TDP2: variants seen among roughly 807,000 people sequenced by gnomAD.
The protein encoded by TDP2 is 5'-Tyr-DNA phosphodiesterase.
Under a neutral mutation model 42.8 loss-of-function variants are expected in TDP2, and 38 were observed. The observed-to-expected ratio is 0.89, with a 90% CI of 0.68 to 1.16. The LOEUF (loss-of-function observed/expected upper bound fraction) is 1.16. TDP2 is among the 50% of genes most tolerant of loss of function. The pLI is 0.00. For synonymous variants in TDP2, 173 were observed against 150.6 expected (o/e 1.15, Z -1.09); for missense variants, 439 against 439.3 (o/e 1.00, Z 0.01).
At position 24,653,123 on chromosome 6, in the gene TDP2, T is replaced by C; in HGVS notation, c.667A>G (p.Met223Val). 1 of 1,614,180 alleles carries C rather than the reference T, an allele frequency of 6.2e-7. No homozygotes were observed. Among genetic ancestry groups the C allele is most frequent in the Non-Finnish European group, 8.5e-7 (1 of 1,180,026 alleles). The change falls in exon 6 of 7, where the codon ATG becomes GTG. Residue 223 changes from methionine to valine, a missense_variant. By Grantham distance (21) the Met-to-Val change is conservative. Transcript: ENST00000378198. ...CTGGTGCTCTCCAAATGGGATGTCA[T>C]AAGGCAAAGCTCATTTCCTGACACG... ...VNVSGNELCL[M>V]TSHLESTRGH...
At chr6:24,666,237 CT>C in intron 2 of TDP2, 1 of 1,545,214 alleles carries the variant, frequency 6.5e-7, no homozygotes, top group Non-Finnish European at 8.7e-7. Context: ...TGTTTCAAAC[CT>C]CTCGCTTACT....
chr6:24,658,658 T>C lies in TDP2; in HGVS notation c.328A>G (p.Asn110Asp). 1 of 1,613,988 alleles carries C rather than the reference T, an allele frequency of 6.2e-7. No individual in the cohort carries two copies. Among genetic ancestry groups the C allele is most frequent in the Non-Finnish European group, 8.5e-7 (1 of 1,179,858 alleles). ...ISPSEDTQQE[N>D]GSMFSLITWN... ...GTAATGAGAGAGAACATGCTGCCAT[T>C]TTCTTGCTGAGTATCTTCAGATGGG... The change falls in exon 3 of 7, where the codon AAT (asparagine) becomes GAT (aspartate). Residue 110 changes from asparagine to aspartate, a missense_variant. Physicochemically the swap from Asn to Asp is conservative, Grantham distance 23 (BLOSUM62 1). Coordinates refer to ENST00000378198, the MANE Select transcript of TDP2 (RefSeq NM_016614.3).
chr6:24,666,584 G>T lies in TDP2; in HGVS notation c.193C>A (p.Pro65Thr). ...ERALNSYFEP[P>T]VEESALERRP... is the part of the protein sequence containing the mutation. The stretch of plus-strand genomic sequence containing the variant: ...CGTTCCAAGGCGCTCTCCTCCACCG[G>T]AGGCTCGAAGTAGGAGTTCAGAGCC... Residue 65 changes from proline (P) to threonine (T), a missense_variant, in exon 2 of 7, where the codon CCG becomes ACG. Coordinates refer to ENST00000378198, the MANE Select transcript of TDP2 (RefSeq NM_016614.3). 1 of 1,614,196 alleles carries T rather than the reference G, an allele frequency of 6.2e-7. No homozygotes were observed.
chr6:24,655,502 G>A (rs916367406), intron 4 of TDP2, among the ~76,000 whole-genome samples: 3 of 152,210 alleles, frequency 2.0e-5, no homozygotes, highest in Non-Finnish European at 4.4e-5. Context: ...GCCAGTTCAA[G>A]GTCTGGATAT....
At chr6:24,662,927 T>G (rs542925578) in intron 2 of TDP2, among the ~76,000 whole-genome samples, 3 of 152,246 alleles carry the variant, frequency 2.0e-5, no homozygotes, top group Admixed American at 6.5e-5. Flanking sequence ...GTTTCATAGC[T>G]GAATTTAAAA....
At chr6:24,659,625 G>A (rs912399864) in intron 2 of TDP2, among the ~76,000 whole-genome samples, 5 of 152,274 alleles carry the variant, frequency 3.3e-5, no homozygotes, top group African/African-American at 7.2e-5. Flanking sequence ...ACTCAGAAAC[G>A]TAGGATTTCT....
chr6:24,658,837 G>A (rs1301511465), intron 2 of TDP2, 103 bp from the exon 3 acceptor site: 41 of 1,222,008 alleles, frequency 3.4e-5, no homozygotes, highest in Non-Finnish European at 4.3e-5. Flanking sequence ...TTTTAAAAGA[G>A]CCCTAAAAGT....
chr6:24,659,004 G>A, intron 2 of TDP2: 1 of 300,354 alleles, frequency 3.3e-6, no homozygotes, highest in Non-Finnish European at 6.1e-6. Flanking sequence ...TGCTCCTATG[G>A]GTAGGATCTC....
chr6:24,659,968 C>T (rs1342000250), intron 2 of TDP2, among the ~76,000 whole-genome samples: 1 of 152,174 alleles, frequency 6.6e-6, no homozygotes, highest in East Asian at 1.9e-4. Context: ...GTCTTGACTC[C>T]ACCATCTGCT....
chr6:24,657,261 G>T (rs1189519556), intron 4 of TDP2, among the ~76,000 whole-genome samples: 1 of 152,144 alleles, frequency 6.6e-6, no homozygotes, highest in African/African-American at 2.4e-5. Flanking sequence ...GCACACTGAG[G>T]AAACTGAGTA....
At position 24,658,682 on chromosome 6, in the gene TDP2, G is replaced by T. The variant is rs758629003; in HGVS notation, c.304C>A (p.Pro102Thr). ...TTDSTTSKIS[P>T]SEDTQQENGS... ...TTTTCTTGCTGAGTATCTTCAGATG[G>T]GCTGATTTTAGAAGTGGTGGAATCA... Residue 102 changes from proline to threonine, a missense_variant, in exon 3 of 7, where the codon CCA becomes ACA. By Grantham distance (38) the Pro-to-Thr change is conservative. Transcript: ENST00000378198. The T allele has an allele frequency of 6.2e-7, 1 of 1,613,872 alleles. No individual in the cohort carries two copies. Among genetic ancestry groups the T allele is most frequent in the African/African-American group, 1.3e-5 (1 of 75,020 alleles).
intron 2 of TDP2, among the ~76,000 whole-genome samples, chr6:24,660,718 C>A (rs562766608): frequency 6.6e-6 from 1 of 152,266 alleles, no homozygotes; most frequent in South Asian, 2.1e-4. Context: ...CTACTAGTGT[C>A]CTAATCTAGG....
rs780006118 is a variant in TDP2, at chr6:24,658,576, C to G, written c.410G>C (p.Cys137Ser). Residue 137 changes from cysteine to serine, a missense_variant, in exon 3 of 7, where the codon TGT becomes TCT. Physicochemically the swap from Cys to Ser is moderately radical, Grantham distance 112. Coordinates refer to ENST00000378198, the MANE Select transcript of TDP2 (RefSeq NM_016614.3). ...NNLSERARGV[C>S]SYLALYSPDV... ...TAATACTTACAAAGCTAAGTAGGAA[C>G]ACACCCCTCGAGCCCTCTCTGACAG... is the stretch of plus-strand genomic sequence containing the variant. 4 of 1,611,012 alleles carry G rather than the reference C, an allele frequency of 2.5e-6. No homozygotes were observed. The highest frequency in any genetic ancestry group is 2.2e-5 in the East Asian group (1 of 44,822).
Position 24,650,595 on chromosome 6 carries a change from G to T in TDP2, c.*193C>A, listed in dbSNP as rs368633616. ...TTTTTATTAAATGGCCTCACATCCT[G>T]AATGCAGGAATGTGTTCGTTTAAAT... is the stretch of plus-strand genomic sequence containing the variant. On this transcript the variant is annotated 3_prime_UTR_variant, in exon 7 of 7. Transcript: ENST00000378198. The T allele has an allele frequency of 3.3e-6, 2 of 613,528 alleles. No homozygotes were observed. The highest frequency in any genetic ancestry group is 2.2e-5 in the South Asian group (1 of 46,276). 38.0% of individuals were successfully genotyped at this position (613,528 alleles called of 1,614,324 possible).
At chr6:24,666,272 C>A (rs1352957381) in intron 2 of TDP2, 2 of 1,541,294 alleles carry the variant, frequency 1.3e-6, no homozygotes, top group Non-Finnish European at 1.8e-6. Flanking sequence ...TTGAGTTAAA[C>A]ATTACATTTC....
intron 2 of TDP2, among the ~76,000 whole-genome samples, chr6:24,662,397 T>C (rs919577263): frequency 3.3e-5 from 5 of 152,188 alleles, no homozygotes; most frequent in Non-Finnish European, 7.4e-5. Context: ...GCCTTATAGC[T>C]GGAGGTGAGA....
rs540037026 is a variant in TDP2 at position 24,653,169 on chromosome 6, C to T, written c.637-16G>A. On this transcript the variant is annotated splice_polypyrimidine_tract_variant and intron_variant, in intron 5 of 6. Coordinates refer to ENST00000378198, the MANE Select transcript of TDP2 (RefSeq NM_016614.3). ...ACACGTTCACCTGCAGCAGGACAAACAGTCATTAAAACTGTCCACTGACTA... is the reference window on the plus strand; with the variant it reads ...ACACGTTCACCTGCAGCAGGACAAATAGTCATTAAAACTGTCCACTGACTA... 2 of 1,613,518 alleles carry T rather than the reference C, an allele frequency of 1.2e-6. No individual in the cohort carries two copies. Among genetic ancestry groups the T allele is most frequent in the South Asian group, 2.2e-5 (2 of 91,038 alleles).
At chr6:24,660,176 T>G (rs1778117948) in intron 2 of TDP2, among the ~76,000 whole-genome samples, 1 of 152,256 alleles carries the variant, frequency 6.6e-6, no homozygotes, top group Non-Finnish European at 1.5e-5. Flanking sequence ...AACATTTACT[T>G]GCTTTATTCT....
intron 2 of TDP2, among the ~76,000 whole-genome samples, chr6:24,661,992 T>C (rs946613682): frequency 6.6e-6 from 1 of 152,232 alleles, no homozygotes; most frequent in African/African-American, 2.4e-5. Context: ...ACTCAAGGTT[T>C]AATGGATTTA....
Sources: allele counts gnomAD v4.1 joint callset (sites outside exome capture counted in the v4.1 genomes callset), GRCh38; gene constraint gnomAD v4.1.1; transcripts MANE v1.5; gene names NCBI Gene and HGNC (gene_info 2026-07-23, HGNC 2026-07-21).